Variants in LRP6 observed in about 807,000 individuals in gnomAD.
LRP6 encodes LDL receptor related protein 6.
A neutral mutation model predicts 184.1 loss-of-function variants in LRP6; 43 were observed. The ratio of observed to expected loss-of-function variants is 0.23; its 90% CI spans 0.18 to 0.30. LRP6 has a LOEUF of 0.30. Among genes scored for constraint, LRP6 ranks in the 10% least tolerant of loss-of-function variants. LRP6 has a pLI of 1.00. For synonymous variants in LRP6, 719 were observed against 684.9 expected (o/e 1.05, Z -0.78); for missense variants, 1,571 against 2,005.3 (o/e 0.78, Z 4.14).
chr12:12,127,297 G>A (rs1048939969), intron 19 of LRP6, among the ~76,000 whole-genome samples: 2 of 152,030 alleles, frequency 1.3e-5, no homozygotes, highest in Admixed American at 6.6e-5. Flanking sequence ...AATGAACAAC[G>A]GTATTCCAAG....
At chr12:12,156,248 G>A (rs1387741153) in intron 12 of LRP6, among the ~76,000 whole-genome samples, 5 of 152,298 alleles carry the variant, frequency 3.3e-5, no homozygotes, top group East Asian at 1.9e-4. Flanking sequence ...AGACTTGGAC[G>A]TGAAGGGTAT....
intron 2 of LRP6, among the ~76,000 whole-genome samples, chr12:12,228,385 T>C (rs1864687407): frequency 6.6e-6 from 1 of 152,018 alleles, no homozygotes; most frequent in Non-Finnish European, 1.5e-5. Flanking sequence ...AAAGAGAACC[T>C]AACAGGAAGA....
chr12:12,179,753 T>C, intron 7 of LRP6, 57 bp downstream of exon 7: 1 of 1,560,210 alleles, frequency 6.4e-7, no homozygotes, highest in East Asian at 2.2e-5. Context: ...ATCATTATAC[T>C]GTCGACTCAA....
intron 7 of LRP6, among the ~76,000 whole-genome samples, chr12:12,179,506 T>C (rs1863289506): frequency 6.6e-6 from 1 of 152,072 alleles, no homozygotes; most frequent in Admixed American, 6.6e-5. Context: ...TTTGCAGAAA[T>C]TGCCCCTAGG....
In LRP6 at chr12:12,150,958, T is replaced by G. The variant is rs765694317; in HGVS notation, c.2872A>C (p.Ile958Leu). The G allele has an allele frequency of 1.9e-6, 3 of 1,614,176 alleles. No individual in the cohort carries two copies. Among genetic ancestry groups the G allele is most frequent in the Non-Finnish European group, 2.5e-6 (3 of 1,180,024 alleles). ...VIDEQQSPDI[I>L]LPIHSLRNVR... ...TTCCGAAGGCTGTGGATGGGAAGGATGATGTCGGGGCTCTGTTGTTCATCA... is the reference window on the plus strand; with the variant it reads ...TTCCGAAGGCTGTGGATGGGAAGGAGGATGTCGGGGCTCTGTTGTTCATCA... Residue 958 changes from isoleucine to leucine, a missense_variant, in exon 13 of 23, where the codon ATC becomes CTC. This residue lies in a region of LRP6 where 763 missense variants were observed against 859.5 expected (regional missense o/e 0.89). Transcript: ENST00000261349.
At chr12:12,184,217 T>A (rs1863413284) in intron 4 of LRP6, 106 bp from the exon 5 acceptor site, 1 of 891,258 alleles carries the variant, frequency 1.1e-6, no homozygotes, top group Non-Finnish European at 1.9e-6. Context: ...TTACCAAATG[T>A]CATGCAGGTG....
rs1273630557 is a variant in LRP6 at position 12,118,649 on chromosome 12, C to A, written c.*2477G>T. On this transcript the variant is annotated 3_prime_UTR_variant, in exon 23 of 23. Coordinates refer to ENST00000261349, the MANE Select transcript of LRP6 (RefSeq NM_002336.3). ...ACTTAAGCTTAACTGTCCATGTAAC[C>A]TAAGGCTCAATAAATCTTTCCAAAT... is the stretch of plus-strand genomic sequence containing the variant. 4 of 152,100 alleles carry A rather than the reference C, an allele frequency of 2.6e-5. No homozygotes were observed. The East Asian group carries it at 5.8e-4, about 22-fold the overall frequency. The allele number at this position is 152,100 out of a possible 1,614,324, so 9.4% of individuals were successfully genotyped here. A position where few individuals can be genotyped will look rare whatever the true frequency, so the allele number is the denominator to read the frequency against.
intron 2 of LRP6, among the ~76,000 whole-genome samples, chr12:12,234,765 A>G (rs1368023032): frequency 6.6e-6 from 1 of 151,980 alleles, no homozygotes. Flanking sequence ...CAGGATGCAG[A>G]GGTTGCAATG....
chr12:12,199,660 T>C (rs569143536), intron 3 of LRP6, among the ~76,000 whole-genome samples: 1 of 152,044 alleles, frequency 6.6e-6, no homozygotes, highest in African/African-American at 2.4e-5. Context: ...ACTGTGAAGA[T>C]AATTCAGTAA....
At chr12:12,161,395 G>A (rs904755703) in intron 10 of LRP6, among the ~76,000 whole-genome samples, 4 of 152,070 alleles carry the variant, frequency 2.6e-5, no homozygotes, top group Admixed American at 2.0e-4. Context: ...AGCCTCCAGA[G>A]TAGCTGGGAC....
intron 14 of LRP6, 147 bp from the exon 15 acceptor site, chr12:12,147,703 G>T (rs747027343): frequency 2.9e-6 from 2 of 690,174 alleles, no homozygotes; most frequent in African/African-American, 1.8e-5. Flanking sequence ...CAGGCACAGT[G>T]GCTCATGCCT....
chr12:12,145,612 TTTTTTC>T (rs1409858669), intron 15 of LRP6, among the ~76,000 whole-genome samples: 1 of 123,918 alleles, frequency 8.1e-6, no homozygotes, highest in Non-Finnish European at 1.6e-5. Context: ...CCCACATTTC[TTTTTTC>T]TTTTTCTTTT....
intron 1 of LRP6, among the ~76,000 whole-genome samples, chr12:12,258,019 C>G (rs1865514821): frequency 6.6e-6 from 1 of 151,144 alleles, no homozygotes; most frequent in African/African-American, 2.4e-5. Flanking sequence ...TATCCTAAAA[C>G]CAGAAAACAC....
chr12:12,245,685 A>C (rs1036427604), intron 1 of LRP6, among the ~76,000 whole-genome samples: 2 of 152,222 alleles, frequency 1.3e-5, no homozygotes, highest in Non-Finnish European at 2.9e-5. Flanking sequence ...AAAAGACCCG[A>C]AACTAAATAT....
chr12:12,170,392 CA>C (rs1440326917), intron 7 of LRP6, among the ~76,000 whole-genome samples: 1 of 151,696 alleles, frequency 6.6e-6, no homozygotes, highest in Non-Finnish European at 1.5e-5. Context: ...CTAACACATC[CA>C]AAATTCTTTT....
chr12:12,250,199 G>A (rs1327090100), intron 1 of LRP6, among the ~76,000 whole-genome samples: 1 of 152,052 alleles, frequency 6.6e-6, no homozygotes, highest in Non-Finnish European at 1.5e-5. Flanking sequence ...TTTACAAAAT[G>A]CCTCAATACC....
At chr12:12,132,079 G>A in intron 17 of LRP6, 22 bp from the exon 18 acceptor site, 1 of 1,532,202 alleles carries the variant, frequency 6.5e-7, no homozygotes, top group Non-Finnish European at 9.0e-7. Context: ...CAAGGAGAAG[G>A]GGAGTGACAA....
At chr12:12,153,559 C>A (rs1369298320) in intron 12 of LRP6, among the ~76,000 whole-genome samples, 1 of 152,140 alleles carries the variant, frequency 6.6e-6, no homozygotes, top group Non-Finnish European at 1.5e-5. Flanking sequence ...TCCAAAAAGT[C>A]TACTCAAATA....
intron 2 of LRP6, among the ~76,000 whole-genome samples, chr12:12,231,492 T>C (rs774060115): frequency 6.6e-6 from 1 of 151,982 alleles, no homozygotes; most frequent in Non-Finnish European, 1.5e-5. Flanking sequence ...CCTACATAGG[T>C]TTAGAGTTTG....
Sources: allele counts gnomAD v4.1 joint callset (sites outside exome capture counted in the v4.1 genomes callset), GRCh38; gene constraint gnomAD v4.1.1; regional missense constraint gnomAD v4.1.1; transcripts MANE v1.5; gene names NCBI Gene and HGNC (gene_info 2026-07-23, HGNC 2026-07-21).